Variants in ANKRD30B observed in about 807,000 individuals in gnomAD.
ANKRD30B encodes ankyrin repeat domain-containing protein 30B.
In ANKRD30B, 144 loss-of-function variants were observed where a neutral mutation model predicts 202.2. The observed-to-expected ratio is 0.71, with a 90% CI of 0.62 to 0.82. The LOEUF is 0.82. Among genes scored for constraint, ANKRD30B ranks in the 40% least tolerant of loss-of-function variants. ANKRD30B has a pLI of 0.00. For missense variants in ANKRD30B, 1,487 were observed against 1,669.1 expected, an observed-to-expected ratio of 0.89 and a Z score of 1.90; for synonymous variants, 508 against 561.3, an observed-to-expected ratio of 0.91 and a Z score of 1.34.
the ANKRD30B span, among the ~76,000 whole-genome samples, chr18:14,933,110 G>T: frequency 6.6e-6 from 1 of 152,164 alleles, no homozygotes; most frequent in African/African-American, 2.4e-5. Flanking sequence ...CTGTAAAAAT[G>T]GAACTTTCAG....
At chr18:14,798,594 G>T (rs571157140) in intron 20 of ANKRD30B, among the ~76,000 whole-genome samples, 2 of 152,130 alleles carry the variant, frequency 1.3e-5, no homozygotes, top group Admixed American at 1.3e-4. Context: ...TAGAAGAGCC[G>T]TGGCAAGATG....
At chr18:14,860,200 C>A in the ANKRD30B span, among the ~76,000 whole-genome samples, 1 of 143,418 alleles carries the variant, frequency 7.0e-6, no homozygotes, top group African/African-American at 2.6e-5. Flanking sequence ...AGATGATGGG[C>A]AGCAGGAGAA....
the ANKRD30B span, among the ~76,000 whole-genome samples, chr18:14,860,051 G>C: frequency 6.8e-6 from 1 of 146,712 alleles, no homozygotes. Flanking sequence ...AGGGTGGCCG[G>C]GCAGAGGCGC....
the ANKRD30B span, among the ~76,000 whole-genome samples, chr18:14,899,750 C>T: frequency 6.6e-6 from 1 of 152,078 alleles, no homozygotes; most frequent in African/African-American, 2.4e-5. Context: ...GTCAAATATA[C>T]ATCAATTTAA....
chr18:14,792,402 G>T (rs1968580170), intron 16 of ANKRD30B, among the ~76,000 whole-genome samples: 1 of 152,084 alleles, frequency 6.6e-6, no homozygotes. Context: ...AATAGAAATT[G>T]TAGACGGAAG....
intron 28 of ANKRD30B, among the ~76,000 whole-genome samples, chr18:14,811,283 C>T (rs1348899579): frequency 2.6e-5 from 4 of 151,358 alleles, no homozygotes; most frequent in African/African-American, 7.3e-5. Context: ...GTGATCTTGG[C>T]GCACTGCAAG....
the ANKRD30B span, among the ~76,000 whole-genome samples, chr18:14,874,724 A>G: frequency 0.03 from 4,616 of 152,306 alleles, 116 homozygotes; most frequent in Middle Eastern, 0.054. Flanking sequence ...TGGGTGTAGA[A>G]GGGACCTATA....
chr18:14,846,642 T>G (rs1210822383), intron 39 of ANKRD30B, among the ~76,000 whole-genome samples: 2 of 152,122 alleles, frequency 1.3e-5, no homozygotes, highest in Non-Finnish European at 2.9e-5. Flanking sequence ...TGTTATGTTT[T>G]CTTGATTAAG....
intron 42 of ANKRD30B, 200 bp downstream of exon 42, chr18:14,852,620 A>C (rs1971939674): frequency 1.7e-6 from 1 of 588,074 alleles, no homozygotes; most frequent in Admixed American, 4.0e-5. Flanking sequence ...GTATTGTGTC[A>C]CTGATGAAAT....
chr18:14,927,541 A>C, the ANKRD30B span, among the ~76,000 whole-genome samples: 2 of 152,220 alleles, frequency 1.3e-5, no homozygotes, highest in Non-Finnish European at 2.9e-5. Context: ...CAGGAGGCCA[A>C]AGCACTTTGT....
intron 18 of ANKRD30B, among the ~76,000 whole-genome samples, chr18:14,796,771 C>G (rs1201421587): frequency 7.5e-6 from 1 of 133,684 alleles, no homozygotes; most frequent in Non-Finnish European, 1.6e-5. Context: ...GTAGTGCCAA[C>G]AATTCACTGG....
intron 36 of ANKRD30B, among the ~76,000 whole-genome samples, chr18:14,839,079 G>T (rs1568065146): frequency 6.6e-6 from 1 of 152,172 alleles, no homozygotes; most frequent in South Asian, 2.1e-4. Flanking sequence ...GATTTTCAAT[G>T]TTTTGACCTG....
At chr18:14,913,177 C>G in the ANKRD30B span, among the ~76,000 whole-genome samples, 1 of 152,228 alleles carries the variant, frequency 6.6e-6, no homozygotes, top group Non-Finnish European at 1.5e-5. Context: ...AGACTAAGTA[C>G]CAATTGAAGC....
chr18:14,811,666 G>A (rs564652224), intron 28 of ANKRD30B, among the ~76,000 whole-genome samples: 1 of 91,720 alleles, frequency 1.1e-5, no homozygotes, highest in African/African-American at 4.5e-5. Flanking sequence ...TAATGCATAG[G>A]TGGTTGTACA....
At chr18:14,795,508 G>A (rs993440644) in intron 16 of ANKRD30B, among the ~76,000 whole-genome samples, 2 of 152,180 alleles carry the variant, frequency 1.3e-5, no homozygotes, top group African/African-American at 4.8e-5. Flanking sequence ...GTATTAGTTT[G>A]TGGATGGGTG....
At chr18:14,900,652 T>G in the ANKRD30B span, among the ~76,000 whole-genome samples, 1 of 152,180 alleles carries the variant, frequency 6.6e-6, no homozygotes, top group East Asian at 1.9e-4. Flanking sequence ...AAATAAACTT[T>G]CCATTTCCCA....
the ANKRD30B span, among the ~76,000 whole-genome samples, chr18:14,891,608 C>T: frequency 1.3e-5 from 2 of 150,070 alleles, no homozygotes; most frequent in African/African-American, 2.5e-5. Context: ...AAACAGCAAA[C>T]ACGTCCATAT....
At chr18:14,755,932 C>G (rs1451759534) in intron 4 of ANKRD30B, among the ~76,000 whole-genome samples, 1 of 152,140 alleles carries the variant, frequency 6.6e-6, no homozygotes, top group African/African-American at 2.4e-5. Context: ...AATGGGATGG[C>G]TGGGTCAAAT....
intron 30 of ANKRD30B, among the ~76,000 whole-genome samples, chr18:14,821,639 G>A (rs1460845243): frequency 6.6e-6 from 1 of 152,026 alleles, no homozygotes; most frequent in Non-Finnish European, 1.5e-5. Context: ...TGTATTTTTT[G>A]TGGAGACAGG....
Sources: allele counts gnomAD v4.1 joint callset (sites outside exome capture counted in the v4.1 genomes callset), GRCh38; gene constraint gnomAD v4.1.1; transcripts MANE v1.5; gene names NCBI Gene and HGNC (gene_info 2026-07-23, HGNC 2026-07-21).